The following RFX3 variants were observed in gnomAD, a reference collection of about 807,000 sequenced individuals.
RFX3 encodes transcription factor RFX3.
A neutral mutation model predicts 98.6 loss-of-function variants in RFX3; 14 were observed. The ratio of observed to expected loss-of-function variants is 0.14; its 90% CI spans 0.09 to 0.22. RFX3 has a LOEUF of 0.22. Among genes scored for constraint, RFX3 ranks in the 10% least tolerant of loss-of-function variants. The pLI is 1.00. For synonymous variants in RFX3, 383 were observed against 328.4 expected, an observed-to-expected ratio of 1.17 and a Z score of -1.80; for missense variants, 639 against 926.9, an observed-to-expected ratio of 0.69 and a Z score of 4.03.
intron 2 of RFX3, among the ~76,000 whole-genome samples, chr9:3,395,188 AG>A (rs1428047512): frequency 6.6e-6 from 1 of 152,194 alleles, no homozygotes; most frequent in Non-Finnish European, 1.5e-5. Context: ...GAAAACTTTG[AG>A]TGGTCATATC....
intron 1 of RFX3, among the ~76,000 whole-genome samples, chr9:3,416,019 C>T (rs1842947589): frequency 1.3e-5 from 2 of 152,146 alleles, no homozygotes; most frequent in Admixed American, 1.3e-4. Context: ...CTAACATGTG[C>T]ACAACATGTT....
At position 3,366,693 on chromosome 9, in the gene RFX3, C is replaced by CTTTCTTTCTTTCTTTCTTT. The variant is rs1554681220; in HGVS notation, c.118-19930_118-19929insAAAGAAAGAAAGAAAGAAA. On this transcript the variant is annotated intron_variant, in intron 2 of 16. Coordinates refer to ENST00000617270, the MANE Select transcript of RFX3 (RefSeq NM_001282116.2). ...CTTTCTCTTTCTTTCTTCTTTCTTT[C>CTTTCTTTCTTTCTTTCTTT]CTTTCTTTCTTTCTTTCTTTCTTTC... 8.2e-5 allele frequency among the ~76,000 whole-genome samples: 7 copies of CTTTCTTTCTTTCTTTCTTT among 85,490 alleles called. No individual in the cohort carries two copies. In the East Asian group the frequency reaches 1.0e-3, roughly 13 times the overall value. 56.1% of individuals were successfully genotyped at this position (85,490 alleles called of 152,430 possible).
At chr9:3,346,372 C>T (rs78855609) in intron 3 of RFX3, among the ~76,000 whole-genome samples, 10,825 of 152,096 alleles carry the variant, frequency 0.071, 1,093 homozygotes, top group African/African-American at 0.22. Flanking sequence ...CATTAAAATA[C>T]AGATATCACT....
chr9:3,346,364 T>A (rs1397702867), intron 3 of RFX3, among the ~76,000 whole-genome samples: 2 of 152,260 alleles, frequency 1.3e-5, no homozygotes, highest in South Asian at 2.1e-4. Flanking sequence ...GAAGCTATCA[T>A]TAAAATACAG....
intron 2 of RFX3, among the ~76,000 whole-genome samples, chr9:3,381,753 A>C (rs1308192692): frequency 3.9e-5 from 6 of 152,184 alleles, no homozygotes; most frequent in Non-Finnish European, 8.8e-5. Context: ...CAAAGCTATC[A>C]ATACTTAATA....
At chr9:3,504,879 T>TATAACATATATTATA (rs1816667365) in intron 1 of RFX3, among the ~76,000 whole-genome samples, 1 of 53,184 alleles carries the variant, frequency 1.9e-5, no homozygotes, top group Admixed American at 3.5e-4. Context: ...ATTATATATA[T>TATAACATATATTATA]TATATATAAT....
At chr9:3,292,393 AC>A (rs1439596803) in intron 6 of RFX3, among the ~76,000 whole-genome samples, 1 of 152,116 alleles carries the variant, frequency 6.6e-6, no homozygotes, top group Non-Finnish European at 1.5e-5. Context: ...ACCAGAAACA[AC>A]TTCTTCACAT....
chr9:3,398,775 A>C (rs1270501976), intron 1 of RFX3, among the ~76,000 whole-genome samples: 1 of 152,124 alleles, frequency 6.6e-6, no homozygotes, highest in Non-Finnish European at 1.5e-5. Context: ...TATGACCCAC[A>C]CTTTGACATC....
intron 7 of RFX3, among the ~76,000 whole-genome samples, chr9:3,281,626 G>T (rs1189361592): frequency 6.6e-6 from 1 of 151,744 alleles, no homozygotes; most frequent in Non-Finnish European, 1.5e-5. Flanking sequence ...AACTCAATGG[G>T]TAATCAGTGC....
intron 1 of RFX3, among the ~76,000 whole-genome samples, chr9:3,402,019 T>C (rs752415322): frequency 3.3e-5 from 5 of 152,232 alleles, no homozygotes; most frequent in Non-Finnish European, 5.9e-5. Context: ...CAAATGTTTT[T>C]TGTGGAACTT....
intron 5 of RFX3, among the ~76,000 whole-genome samples, chr9:3,297,640 T>C (rs1828151844): frequency 6.6e-6 from 1 of 152,024 alleles, no homozygotes; most frequent in Admixed American, 6.6e-5. Flanking sequence ...ACAGGCCTTA[T>C]TTCTGTAATA....
intron 12 of RFX3, among the ~76,000 whole-genome samples, chr9:3,263,966 T>C (rs1405811559): frequency 6.6e-6 from 1 of 152,040 alleles, no homozygotes; most frequent in Admixed American, 6.6e-5. Flanking sequence ...AGGGAAAGAG[T>C]GGATTTCCTA....
At chr9:3,508,238 G>C (rs1817304765) in intron 1 of RFX3, among the ~76,000 whole-genome samples, 1 of 151,888 alleles carries the variant, frequency 6.6e-6, no homozygotes, top group African/African-American at 2.4e-5. Flanking sequence ...AAATACAGCA[G>C]TCTAGTATTT....
intron 1 of RFX3, among the ~76,000 whole-genome samples, chr9:3,413,224 T>A (rs1326991136): frequency 2.6e-5 from 4 of 151,840 alleles, no homozygotes; most frequent in Admixed American, 2.6e-4. Context: ...CCTAAGAAAA[T>A]ATTAAAATAC....
At chr9:3,503,787 A>G (rs1816307946) in intron 1 of RFX3, among the ~76,000 whole-genome samples, 1 of 152,090 alleles carries the variant, frequency 6.6e-6, no homozygotes, top group Non-Finnish European at 1.5e-5. Flanking sequence ...TATATAAACA[A>G]TGACATTGTT....
chr9:3,423,787 A>C (rs931695915), intron 1 of RFX3, among the ~76,000 whole-genome samples: 1 of 118,904 alleles, frequency 8.4e-6, no homozygotes, highest in African/African-American at 4.8e-5. Flanking sequence ...TCATATATAT[A>C]TATATATATA....
intron 2 of RFX3, among the ~76,000 whole-genome samples, chr9:3,385,444 C>T (rs1839604864): frequency 6.6e-6 from 1 of 152,036 alleles, no homozygotes; most frequent in Non-Finnish European, 1.5e-5. Flanking sequence ...GGTGCAGTGG[C>T]TCACACCTAT....
At chr9:3,364,366 T>C in intron 2 of RFX3, 1 of 202,084 alleles carries the variant, frequency 4.9e-6, no homozygotes, top group Non-Finnish European at 1.0e-5. Context: ...TGTCTGGTCT[T>C]CCCTATTGCC....
chr9:3,497,937 A>G (rs1003497329), intron 1 of RFX3, among the ~76,000 whole-genome samples: 2 of 152,032 alleles, frequency 1.3e-5, no homozygotes, highest in Admixed American at 6.6e-5. Flanking sequence ...CGTCTTTACT[A>G]TAACTGCCAC....
Sources: allele counts gnomAD v4.1 joint callset (sites outside exome capture counted in the v4.1 genomes callset), GRCh38; gene constraint gnomAD v4.1.1; transcripts MANE v1.5; gene names NCBI Gene and HGNC (gene_info 2026-07-23, HGNC 2026-07-21).